Variants in TMEM140 observed in about 807,000 individuals in gnomAD.
TMEM140 encodes transmembrane protein 140.
For missense variants in TMEM140, 236 were observed against 228.5 expected, an observed-to-expected ratio of 1.03 and a Z score of -0.21; for synonymous variants, 107 against 106.8, an observed-to-expected ratio of 1.00 and a Z score of -0.01.
chr7:135,162,772 C>T (rs561222995), intron 1 of TMEM140, among the ~76,000 whole-genome samples: 12 of 152,222 alleles, frequency 7.9e-5, no homozygotes, highest in Non-Finnish European at 1.3e-4. Context: ...CCATATCAGC[C>T]GAAACTTATC....
In TMEM140 at chr7:135,156,820, C is replaced by T. The variant is rs146891035; in HGVS notation, c.-24-7598C>T. Among the ~76,000 whole-genome samples the T allele has an allele frequency of 4.9e-3, 741 of 152,258 alleles. 20 individuals carry two copies. In the East Asian group the frequency reaches 0.057, roughly 12 times the overall value. ...CCAAATCTCAACTTGAATTGTAGCT[C>T]CCATAATTCCCACATGTTGTGAGAG... On this transcript the variant is annotated intron_variant, in intron 1 of 1. Coordinates refer to ENST00000275767, the MANE Select transcript of TMEM140 (RefSeq NM_018295.5).
chr7:135,158,524 G>A (rs1316027701), intron 1 of TMEM140, among the ~76,000 whole-genome samples: 3 of 152,198 alleles, frequency 2.0e-5, no homozygotes, highest in African/African-American at 7.2e-5. Context: ...AGGGCAGGGG[G>A]TCTTGTCCTA....
intron 1 of TMEM140, among the ~76,000 whole-genome samples, chr7:135,149,037 T>C (rs1327218122): frequency 6.6e-6 from 1 of 152,178 alleles, no homozygotes; most frequent in Non-Finnish European, 1.5e-5. Flanking sequence ...CCACTTACCA[T>C]ACCCCATTCC....
Position 135,164,656 on chromosome 7 carries a change from C to T in TMEM140, c.215C>T (p.Ala72Val), listed in dbSNP as rs1050367787. ...LQCHQFPELE[A>V]LGVPRVGLGL... ...TGTCACCAGTTCCCTGAGCTGGAAG[C>T]CCTGGGGGTGCCTCGGGTTGGCCTG... Residue 72 changes from alanine (A) to valine (V), a missense_variant, in exon 2 of 2, where the codon GCC (alanine) becomes GTC (valine). Transcript: ENST00000275767. The T allele has an allele frequency of 6.2e-7, 1 of 1,613,428 alleles. No homozygotes were observed. The highest frequency in any genetic ancestry group is 1.1e-5 in the South Asian group (1 of 91,086).
At chr7:135,164,293 G>A in intron 1 of TMEM140, 125 bp from the exon 2 acceptor site, 3 of 728,746 alleles carry the variant, frequency 4.1e-6, no homozygotes, top group South Asian at 4.0e-5. Flanking sequence ...GTCCTTGGTG[G>A]AGGGCAGGGT....
At chr7:135,148,607 G>A (rs1438307064) in intron 1 of TMEM140, among the ~76,000 whole-genome samples, 1 of 152,222 alleles carries the variant, frequency 6.6e-6, no homozygotes, top group African/African-American at 2.4e-5. Flanking sequence ...GGACATGGCT[G>A]TGGCTTGTGC....
rs1829586333 is a variant in TMEM140, at chr7:135,148,174, A to G, written c.-121A>G. The G allele has an allele frequency of 7.0e-6, 3 of 431,650 alleles. No homozygotes were observed. Among genetic ancestry groups the G allele is most frequent in the South Asian group, 4.9e-5 (3 of 61,610 alleles). The allele number at this position is 431,650 out of a possible 1,614,324, so 26.7% of individuals were successfully genotyped here. A position where few individuals can be genotyped will look rare whatever the true frequency, so the allele number is the denominator to read the frequency against. On this transcript the variant is annotated 5_prime_UTR_variant, in exon 1 of 2. Coordinates refer to ENST00000275767, the MANE Select transcript of TMEM140 (RefSeq NM_018295.5). ...CCACTCCTCCTTTCTGGAGTCTGAC[A>G]TTAGAAAGCCAGCGAGAAGGAAGAT... is the stretch of plus-strand genomic sequence containing the variant.
At chr7:135,160,221 T>C (rs1829894481) in intron 1 of TMEM140, among the ~76,000 whole-genome samples, 1 of 152,228 alleles carries the variant, frequency 6.6e-6, no homozygotes, top group Admixed American at 6.5e-5. Flanking sequence ...GTCTTTTCTC[T>C]GCACTTTCAT....
intron 1 of TMEM140, among the ~76,000 whole-genome samples, chr7:135,153,355 G>T (rs1364086973): frequency 2.6e-5 from 4 of 150,988 alleles, no homozygotes; most frequent in Middle Eastern, 3.2e-3. Context: ...TCGGGAGGCT[G>T]AGGCAGAAGA....
At chr7:135,164,359 G>T (rs919779914) in intron 1 of TMEM140, 59 bp from the exon 2 acceptor site, 194 of 1,370,920 alleles carry the variant, frequency 1.4e-4, no homozygotes, top group Non-Finnish European at 1.8e-4. Flanking sequence ...ACATGAGCTT[G>T]TCTGGACACA....
At chr7:135,162,222 G>T (rs914232036) in intron 1 of TMEM140, among the ~76,000 whole-genome samples, 3 of 152,180 alleles carry the variant, frequency 2.0e-5, no homozygotes, top group Non-Finnish European at 4.4e-5. Context: ...CCCCAGAGGG[G>T]TCCCCTCAGA....
Position 135,164,457 on chromosome 7 carries a change from C to A in TMEM140, c.16C>A (p.Pro6Thr). The A allele has an allele frequency of 1.3e-6, 2 of 1,599,776 alleles. No homozygotes were observed. The highest frequency in any genetic ancestry group is 1.1e-5 in the South Asian group (1 of 90,852). MAGPR[P>T]RWRDQLLFMS... The stretch of plus-strand genomic sequence containing the variant: ...GGCAGTAGAGATGGCCGGCCCAAGG[C>A]CTCGGTGGCGCGACCAGCTGCTGTT... The change falls in exon 2 of 2, where the codon CCT becomes ACT. Residue 6 changes from proline (P) to threonine (T), a missense_variant. Pro to Thr is a conservative substitution (Grantham distance 38, BLOSUM62 -1). Transcript: ENST00000275767.
rs1026380444 is a variant in TMEM140, at chr7:135,161,812, C to T, written c.-24-2606C>T. Among the ~76,000 whole-genome samples, 2 of 152,264 alleles carry T rather than the reference C, an allele frequency of 1.3e-5. No individual in the cohort carries two copies. The highest frequency in any genetic ancestry group is 2.4e-5 in the African/African-American group (1 of 41,466). On this transcript the variant is annotated intron_variant, in intron 1 of 1. Coordinates refer to ENST00000275767, the MANE Select transcript of TMEM140 (RefSeq NM_018295.5). The surrounding 1 kb of genome is among the most constrained non-coding windows in gnomAD (Gnocchi z 4.1). The stretch of plus-strand genomic sequence containing the variant: ...GTGCCACCCAAGGCAGCAGCCAGGG[C>T]TTCTGCTGGGACAGCCCCTCACTCC...
intron 1 of TMEM140, among the ~76,000 whole-genome samples, chr7:135,162,405 C>T (rs554840237): frequency 3.9e-5 from 6 of 152,298 alleles, no homozygotes; most frequent in African/African-American, 1.4e-4. Context: ...TAGTCACTTC[C>T]TGGTGAATGC....
Position 135,164,828 on chromosome 7 carries a change from C to T in TMEM140, c.387C>T (p.Gly129=), listed in dbSNP as rs775925118. 1.5e-5 allele frequency: 25 copies of T among 1,613,898 alleles called. No individual in the cohort carries two copies. In the Admixed American group the frequency reaches 2.8e-4, roughly 18 times the overall value. The change falls in exon 2 of 2, where the codon GGC becomes GGT. Residue 129 remains glycine, a synonymous_variant. Coordinates refer to ENST00000275767, the MANE Select transcript of TMEM140 (RefSeq NM_018295.5). ...CTGTGTCCTCTGTGCTGCTGGCAGG[C>T]GGCCTGGGCCTCTTCCTCTCCTATG... ...FLAVSSVLLA[G]GLGLFLSYVW...
At chr7:135,160,028 T>C (rs1373172257) in intron 1 of TMEM140, among the ~76,000 whole-genome samples, 2 of 152,230 alleles carry the variant, frequency 1.3e-5, no homozygotes, top group African/African-American at 4.8e-5. Context: ...CTATAAACTA[T>C]GATACAGCTA....
intron 1 of TMEM140, among the ~76,000 whole-genome samples, chr7:135,160,323 T>C (rs1266073966): frequency 6.6e-6 from 1 of 152,210 alleles, no homozygotes; most frequent in Non-Finnish European, 1.5e-5. Flanking sequence ...AGTCTCCCCT[T>C]TGCCCTCTGA....
Position 135,160,565 on chromosome 7 carries a change from G to A in TMEM140, c.-24-3853G>A, listed in dbSNP as rs549879057. Among the ~76,000 whole-genome samples the A allele has an allele frequency of 3.9e-5, 6 of 152,248 alleles. No individual in the cohort carries two copies. The South Asian group carries it at 1.2e-3, about 32-fold the overall frequency. ...CTCCATACACAAGTTCCTGAATTCT[G>A]TCCATAGTTCAACAGAAAGCATGGA... On this transcript the variant is annotated intron_variant, in intron 1 of 1. Coordinates refer to ENST00000275767, the MANE Select transcript of TMEM140 (RefSeq NM_018295.5).
At position 135,164,201 on chromosome 7, in the gene TMEM140, T is replaced by C. The variant is rs545564020; in HGVS notation, c.-24-217T>C. On this transcript the variant is annotated intron_variant, in intron 1 of 1. Coordinates refer to ENST00000275767, the MANE Select transcript of TMEM140 (RefSeq NM_018295.5). The stretch of plus-strand genomic sequence containing the variant: ...ACTTTCAAAGCTGCTTGGGAGAGAC[T>C]TTTCCTCCTGACCTCAAATCAGAGG... Among the ~76,000 whole-genome samples, 58 of 152,362 alleles carry C rather than the reference T, an allele frequency of 3.8e-4. No homozygotes were observed. The East Asian group carries it at 0.01, about 27-fold the overall frequency.
Sources: allele counts gnomAD v4.1 joint callset (sites outside exome capture counted in the v4.1 genomes callset), GRCh38; gene constraint gnomAD v4.1.1; non-coding constraint Gnocchi (gnomAD v3.1); transcripts MANE v1.5; gene names NCBI Gene and HGNC (gene_info 2026-07-23, HGNC 2026-07-21).